The following MTFMT variants were observed in gnomAD, a reference collection of about 807,000 sequenced individuals.
MTFMT encodes the protein methionyl-tRNA formyltransferase, mitochondrial.
Under a neutral mutation model 51.8 loss-of-function variants are expected in MTFMT, and 47 were observed. The ratio of observed to expected loss-of-function variants is 0.91; its 90% confidence interval spans 0.72 to 1.16. The LOEUF (loss-of-function observed/expected upper bound fraction) is 1.16. MTFMT is among the 50% of genes most tolerant of loss of function. The pLI is 0.00. For missense variants in MTFMT, 512 were observed against 482.3 expected, an observed-to-expected ratio of 1.06 and a Z score of -0.58; for synonymous variants, 196 against 176.7, an observed-to-expected ratio of 1.11 and a Z score of -0.87.
chr15:65,020,951 GA>G (rs1039522401), intron 4 of MTFMT, among the ~76,000 whole-genome samples: 3 of 152,032 alleles, frequency 2.0e-5, no homozygotes, highest in African/African-American at 4.8e-5. Flanking sequence ...CTACAGGTGG[GA>G]AAAAAATATT....
At position 65,027,008 on chromosome 15, in the gene MTFMT, A is replaced by T. The variant is rs2086430804; in HGVS notation, c.242T>A (p.Leu81Gln). ...TGGGGAAGGCATTGTGACCACCTCC[A>T]GTTTGTCGATTAACTCTTCTTCTTT... The part of the protein sequence containing the change: ...ENKEEELIDK[L>Q]EVVTMPSPSP... The change falls in exon 2 of 9, where the codon CTG becomes CAG. Residue 81 changes from leucine (L) to glutamine (Q), a missense_variant. Leu to Gln is a moderately radical substitution (Grantham distance 113). Transcript: ENST00000220058. The T allele has an allele frequency of 1.9e-6, 3 of 1,613,844 alleles. No homozygotes were observed. In the African/African-American group the frequency reaches 4.0e-5, roughly 22 times the overall value.
intron 5 of MTFMT, among the ~76,000 whole-genome samples, chr15:65,016,782 CTT>C (rs35437034): frequency 8.8e-4 from 125 of 141,574 alleles, no homozygotes; most frequent in Non-Finnish European, 1.1e-3. Flanking sequence ...ACTATTCAAA[CTT>C]TTTTTTTTTT....
chr15:65,021,303 T>A lies in MTFMT; in HGVS notation c.645+211A>T, dbSNP rs145624332. 8.0e-3 allele frequency among the ~76,000 whole-genome samples: 1,222 copies of A among 152,356 alleles called. 28 individuals are homozygous for A. The highest frequency in any genetic ancestry group is 0.029 in the African/African-American group (1,190 of 41,584). ...GTCATGTAAGATCACCTGTTTCACT[T>A]GAAAGCCTTTATTCAGTACTTACTC... On this transcript the variant is annotated intron_variant, in intron 4 of 8. Transcript: ENST00000220058.
chr15:65,009,330 G>A (rs2086243622), intron 6 of MTFMT, among the ~76,000 whole-genome samples: 2 of 152,176 alleles, frequency 1.3e-5, no homozygotes, highest in Non-Finnish European at 2.9e-5. Flanking sequence ...TTGTCTACTT[G>A]ATATCTCCAT....
chr15:65,020,934 A>G (rs919623943), intron 4 of MTFMT, among the ~76,000 whole-genome samples: 2 of 152,230 alleles, frequency 1.3e-5, no homozygotes, highest in African/African-American at 4.8e-5. Context: ...AATAGGAAAT[A>G]CCATCTCTAC....
At chr15:65,020,809 T>C (rs2086367673) in intron 4 of MTFMT, among the ~76,000 whole-genome samples, 1 of 152,194 alleles carries the variant, frequency 6.6e-6, no homozygotes, top group South Asian at 2.1e-4. Context: ...TACCTCAAAG[T>C]TGAGAGGGTA....
rs779890669 is a variant in MTFMT at position 65,020,229 on chromosome 15, C to T, written c.689G>A (p.Gly230Glu). The T allele has an allele frequency of 5.6e-6, 9 of 1,612,410 alleles. No homozygotes were observed. The highest frequency in any genetic ancestry group is 6.8e-6 in the Non-Finnish European group (8 of 1,179,638). ...LKNLPESLSN[G>E]RQQPMEGATY... is the part of the protein sequence containing the mutation. Reference sequence around the variant, plus strand: ...CGCCCCCTCCATTGGCTGCTGCCTTCCATTGCTCAGACTTTCAGGCAAATT... The same window carrying T: ...CGCCCCCTCCATTGGCTGCTGCCTTTCATTGCTCAGACTTTCAGGCAAATT... The change falls in exon 5 of 9, where the codon GGA becomes GAA. Residue 230 changes from glycine to glutamate, a missense_variant. Gly to Glu is a moderately conservative substitution (Grantham distance 98). Transcript: ENST00000220058.
At chr15:65,018,223 G>A (rs1355651375) in intron 5 of MTFMT, among the ~76,000 whole-genome samples, 2 of 151,436 alleles carry the variant, frequency 1.3e-5, no homozygotes, top group East Asian at 3.9e-4. Context: ...AAAACCACAT[G>A]GAAAAAATAA....
At position 65,029,522 on chromosome 15, in the gene MTFMT, C is replaced by G. The variant is rs1385477638; in HGVS notation, c.92G>C (p.Arg31Pro). 4.3e-5 allele frequency: 65 copies of G among 1,527,920 alleles called. No individual in the cohort carries two copies. The highest frequency in any genetic ancestry group is 5.6e-5 in the Non-Finnish European group (64 of 1,139,544). The allele number at this position is 1,527,920 out of a possible 1,614,324, so 94.6% of individuals were successfully genotyped here. Residue 31 changes from arginine (R) to proline (P), a missense_variant, in exon 1 of 9, where the codon CGA becomes CCA. Coordinates refer to ENST00000220058, the MANE Select transcript of MTFMT (RefSeq NM_139242.4). ...GTCCCGGCAGTCCTCCCAGCCGAGT[C>G]GGGCCAGTGCTCGCCACTGGGGACT... Reference protein sequence around the residue: ...RPSPQWRALARLGWEDCRDSR... With the variant: ...RPSPQWRALAPLGWEDCRDSR...
intron 6 of MTFMT, among the ~76,000 whole-genome samples, chr15:65,014,322 A>AT (rs35599676): frequency 0.37 from 45,073 of 123,068 alleles, 9,735 homozygotes; most frequent in East Asian, 0.68. Context: ...ACACTATTTG[A>AT]TTTTTTTTTT....
intron 3 of MTFMT, among the ~76,000 whole-genome samples, chr15:65,022,456 A>C (rs2086382360): frequency 7.2e-6 from 1 of 139,784 alleles, no homozygotes; most frequent in Admixed American, 7.3e-5. Context: ...CCGTCTCAAG[A>C]AAAAAAAAAA....
intron 2 of MTFMT, among the ~76,000 whole-genome samples, chr15:65,024,166 A>C (rs2086400743): frequency 1.3e-5 from 2 of 151,972 alleles, no homozygotes; most frequent in African/African-American, 4.8e-5. Context: ...ATCTCTACTA[A>C]AAAGACAAAA....
At chr15:65,014,585 C>G (rs548381419) in intron 6 of MTFMT, among the ~76,000 whole-genome samples, 1 of 151,566 alleles carries the variant, frequency 6.6e-6, no homozygotes, top group South Asian at 2.1e-4. Context: ...CTCGGCCTCC[C>G]AAAGTGCTGA....
intron 6 of MTFMT, chr15:65,015,805 C>G (rs2086316183): frequency 6.6e-6 from 1 of 152,318 alleles, no homozygotes; most frequent in Admixed American, 6.6e-5. Flanking sequence ...CCACTGTACT[C>G]CAGGCCTGGG....
At chr15:65,011,483 GTCT>G (rs2086265552) in intron 6 of MTFMT, among the ~76,000 whole-genome samples, 1 of 85,742 alleles carries the variant, frequency 1.2e-5, no homozygotes, top group Admixed American at 1.7e-4. Flanking sequence ...TCTGTAAGCT[GTCT>G]TTTTTTTTTT....
In MTFMT at chr15:65,023,778, G is replaced by T. The variant is rs771203177; in HGVS notation, c.436C>A (p.His146Asn). 2 of 1,612,012 alleles carry T rather than the reference G, an allele frequency of 1.2e-6. No individual in the cohort carries two copies. Among genetic ancestry groups the T allele is most frequent in the South Asian group, 1.1e-5 (1 of 90,632 alleles). The change falls in exon 3 of 9, where the codon CAT (histidine) becomes AAT (asparagine). Residue 146 changes from histidine to asparagine, a missense_variant. Transcript: ENST00000220058. ...LKFPYGILNVHPSCLPRWRGP... is the reference protein window; with the variant it reads ...LKFPYGILNVNPSCLPRWRGP... ...CGCCATCTCGGGAGGCAACTGGGAT[G>T]AACATTCAATATGCCACTGAGTTAG... is the stretch of plus-strand genomic sequence containing the variant.
chr15:65,013,948 A>C (rs536199798), intron 6 of MTFMT, among the ~76,000 whole-genome samples: 164 of 152,126 alleles, frequency 1.1e-3, no homozygotes, highest in Non-Finnish European at 1.5e-3. Flanking sequence ...ATCTCAAAAA[A>C]AAAAAACAAA....
In MTFMT at chr15:65,002,513, C is replaced by T. The variant is rs553817852; in HGVS notation, c.*549G>A. 2.6e-5 allele frequency: 4 copies of T among 152,116 alleles called. No homozygotes were observed. The highest frequency in any genetic ancestry group is 1.9e-4 in the East Asian group (1 of 5,182). The allele number at this position is 152,116 out of a possible 1,614,324, so 9.4% of individuals were successfully genotyped here. ...AAGGAAAGATAATCTCCTTGAGTTT[C>T]GTATCATAAATACAAGTTTTATTTA... On this transcript the variant is annotated 3_prime_UTR_variant, in exon 9 of 9. Transcript: ENST00000220058.
intron 4 of MTFMT, among the ~76,000 whole-genome samples, chr15:65,020,701 T>C (rs1439249590): frequency 1.3e-5 from 2 of 152,236 alleles, no homozygotes; most frequent in African/African-American, 4.8e-5. Flanking sequence ...GTTCAAGTCC[T>C]AGTTCTACCA....
Sources: gnomAD v4.1 joint callset for allele counts (sites outside exome capture counted in the v4.1 genomes callset) on GRCh38, gnomAD v4.1.1 for gene constraint, MANE v1.5 for transcripts, NCBI Gene and HGNC (gene_info 2026-07-23, HGNC 2026-07-21) for gene names.